Variants in RFTN2 observed in about 807,000 individuals in gnomAD.
RFTN2 encodes raftlin-2.
RFTN2 carries 34 observed loss-of-function variants against 52.7 expected under a neutral mutation model. The ratio of observed to expected loss-of-function variants is 0.64; its 90% CI spans 0.49 to 0.86. The LOEUF (loss-of-function observed/expected upper bound fraction) is 0.86. Among genes scored for constraint, RFTN2 ranks in the 40% least tolerant of loss-of-function variants. The pLI is 0.00. For synonymous variants in RFTN2, 203 were observed against 217.7 expected, an observed-to-expected ratio of 0.93 and a Z score of 0.59; for missense variants, 536 against 600.1, an observed-to-expected ratio of 0.89 and a Z score of 1.12.
chr2:197,628,127 C>CTGAA, intron 5 of RFTN2, among the ~76,000 whole-genome samples: 1 of 152,188 alleles, frequency 6.6e-6, no homozygotes, highest in South Asian at 2.1e-4. Flanking sequence ...CAATTCAGCC[C>CTGAA]TGCTTCCTCT....
At chr2:197,582,135 T>C (rs10172961) in intron 8 of RFTN2, among the ~76,000 whole-genome samples, 101,261 of 152,118 alleles carry the variant, frequency 0.67, 33,969 homozygotes, top group Middle Eastern at 0.84. Flanking sequence ...TGTGTGGTGG[T>C]TGCTGTTGCC....
At chr2:197,576,009 C>G (rs1382669528) in intron 8 of RFTN2, among the ~76,000 whole-genome samples, 8 of 150,372 alleles carry the variant, frequency 5.3e-5, no homozygotes, top group Non-Finnish European at 1.0e-4. Flanking sequence ...ATTATAGGAG[C>G]CTTTTTTTGT....
rs748520765 is a variant in RFTN2, at chr2:197,644,181, C to T, written c.415G>A (p.Ala139Thr). The T allele has an allele frequency of 1.2e-5, 20 of 1,608,164 alleles. No individual in the cohort carries two copies. Among genetic ancestry groups the T allele is most frequent in the East Asian group, 2.2e-5 (1 of 44,830 alleles). Residue 139 changes from alanine to threonine, a missense_variant, in exon 3 of 9, where the codon GCA (alanine) becomes ACA (threonine). Physicochemically the swap from Ala to Thr is moderately conservative, Grantham distance 58. Transcript: ENST00000295049. The part of the protein sequence containing the change: ...PLTSEAQTND[A>T]AKELIEKINV... ...ACCTTTTCTATCAGTTCTTTTGCTG[C>T]GTCATTTGTTTGTGCCTCAGAAGTT... is the stretch of plus-strand genomic sequence containing the variant.
intron 1 of RFTN2, among the ~76,000 whole-genome samples, chr2:197,671,147 T>C (rs2089142577): frequency 6.6e-6 from 1 of 152,256 alleles, no homozygotes; most frequent in Non-Finnish European, 1.5e-5. Flanking sequence ...TTATCTTCCA[T>C]AGAATTAGGT....
chr2:197,590,019 AC>A (rs2087675850), intron 8 of RFTN2, among the ~76,000 whole-genome samples: 1 of 107,230 alleles, frequency 9.3e-6, no homozygotes, highest in Non-Finnish European at 1.9e-5. Flanking sequence ...CGATCCCCCC[AC>A]CCCCACTCCC....
intron 3 of RFTN2, among the ~76,000 whole-genome samples, chr2:197,642,554 T>C (rs2088689901): frequency 6.6e-6 from 1 of 152,220 alleles, no homozygotes. Context: ...CATCATTGTC[T>C]TTTTCAAAGT....
intron 7 of RFTN2, among the ~76,000 whole-genome samples, chr2:197,611,654 C>G (rs571284238): frequency 6.6e-6 from 1 of 152,254 alleles, no homozygotes; most frequent in South Asian, 2.1e-4. Flanking sequence ...CTTCTGCTAG[C>G]TTTTGAATGT....
chr2:197,625,726 C>T (rs1161625567), intron 5 of RFTN2, among the ~76,000 whole-genome samples: 45 of 136,620 alleles, frequency 3.3e-4, no homozygotes, highest in Non-Finnish European at 6.0e-4. Flanking sequence ...CTCCTCCCCT[C>T]CCTTCCCCTC....
At chr2:197,654,764 G>A (rs147465494) in intron 1 of RFTN2, among the ~76,000 whole-genome samples, 1,787 of 152,216 alleles carry the variant, frequency 0.012, 27 homozygotes, top group African/African-American at 0.041. Context: ...TTGGGAGGCC[G>A]CGGTGGGAGG....
chr2:197,593,716 A>G lies in RFTN2; in HGVS notation c.1233+2275T>C, dbSNP rs556512989. 1.4e-3 allele frequency among the ~76,000 whole-genome samples: 211 copies of G among 151,984 alleles called. 3 individuals are homozygous for G. Among genetic ancestry groups the G allele is most frequent in the South Asian group, 8.1e-3 (39 of 4,810 alleles). On this transcript the variant is annotated intron_variant, in intron 8 of 8. Transcript: ENST00000295049. The stretch of plus-strand genomic sequence containing the variant: ...ATCCTGGCCAACAAGGTGAAACCCC[A>G]TCTCTACCAAAAATACAACAATTAG...
At chr2:197,653,822 A>T (rs552639740) in intron 1 of RFTN2, among the ~76,000 whole-genome samples, 79 of 152,242 alleles carry the variant, frequency 5.2e-4, no homozygotes, top group African/African-American at 1.9e-3. Context: ...CTCTCAACCA[A>T]CTGCTCATTG....
chr2:197,603,944 A>T (rs1267593019), intron 7 of RFTN2, among the ~76,000 whole-genome samples: 1 of 151,972 alleles, frequency 6.6e-6, no homozygotes, highest in African/African-American at 2.4e-5. Flanking sequence ...CAAAAACAAA[A>T]AACAAAAAAA....
At chr2:197,599,424 T>G (rs1233678814) in intron 7 of RFTN2, among the ~76,000 whole-genome samples, 1 of 152,186 alleles carries the variant, frequency 6.6e-6, no homozygotes. Context: ...ACTTACTCCC[T>G]CTGCAGTGTG....
At position 197,674,339 on chromosome 2, in the gene RFTN2, C is replaced by CAAAAAAAAAA. The variant is rs1222944678; in HGVS notation, c.139+971_139+980dup. Among the ~76,000 whole-genome samples, 337 of 34,126 alleles carry CAAAAAAAAAA rather than the reference C, an allele frequency of 9.9e-3. 4 individuals carry two copies. Among genetic ancestry groups the CAAAAAAAAAA allele is most frequent in the African/African-American group, 0.012 (98 of 8,150 alleles). The allele number at this position is 34,126 out of a possible 152,430, so 22.4% of individuals were successfully genotyped here. ...AAGATGCACTGTTTCTAGAGCAAAG[C>CAAAAAAAAAA]AAAAAAAAAAAAAAAAAAAAAAAAG... On this transcript the variant is annotated intron_variant, in intron 1 of 8. Transcript: ENST00000295049.
At chr2:197,589,956 G>C (rs2087674094) in intron 8 of RFTN2, among the ~76,000 whole-genome samples, 1 of 152,044 alleles carries the variant, frequency 6.6e-6, no homozygotes, top group Non-Finnish European at 1.5e-5. Context: ...GCTCAGGCTG[G>C]AGTACAGTGG....
At chr2:197,591,658 G>C (rs13391839) in intron 8 of RFTN2, among the ~76,000 whole-genome samples, 1,750 of 151,866 alleles carry the variant, frequency 0.012, 30 homozygotes, top group African/African-American at 0.04. Context: ...GTGGTGGAGC[G>C]GGGGGGCTCA....
At chr2:197,627,515 C>G (rs886156695) in intron 5 of RFTN2, among the ~76,000 whole-genome samples, 5 of 152,206 alleles carry the variant, frequency 3.3e-5, no homozygotes, top group African/African-American at 1.2e-4. Flanking sequence ...GTTATAACTC[C>G]ATCCTCACTC....
chr2:197,598,958 CTTT>C (rs759636529), intron 7 of RFTN2, among the ~76,000 whole-genome samples: 1 of 145,310 alleles, frequency 6.9e-6, no homozygotes. Context: ...TCTTCTTCTT[CTTT>C]TTTTTTTTTT....
At chr2:197,593,230 T>G (rs937628622) in intron 8 of RFTN2, among the ~76,000 whole-genome samples, 2 of 152,118 alleles carry the variant, frequency 1.3e-5, no homozygotes, top group Non-Finnish European at 2.9e-5. Flanking sequence ...TAGAGACTAC[T>G]GGATAGTATC....
Sources: gnomAD v4.1 joint callset for allele counts (sites outside exome capture counted in the v4.1 genomes callset) on GRCh38, gnomAD v4.1.1 for gene constraint, MANE v1.5 for transcripts, NCBI Gene and HGNC (gene_info 2026-07-23, HGNC 2026-07-21) for gene names.